ITGBL1: variants seen among roughly 807,000 people sequenced by gnomAD.
The protein encoded by ITGBL1 is integrin beta-like protein 1.
ITGBL1 carries 51 observed loss-of-function variants against 68.5 expected under a neutral mutation model. The ratio of observed to expected loss-of-function variants is 0.74; its 90% CI spans 0.59 to 0.94. ITGBL1 has a LOEUF of 0.94. Among genes scored for constraint, ITGBL1 ranks in the 40% least tolerant of loss-of-function variants. ITGBL1 has a pLI of 0.00. For missense variants in ITGBL1, 649 were observed against 647.4 expected, an observed-to-expected ratio of 1.00 and a Z score of -0.03; for synonymous variants, 209 against 227.3, an observed-to-expected ratio of 0.92 and a Z score of 0.72.
At chr13:101,598,671 T>G (rs527277679) in intron 7 of ITGBL1, among the ~76,000 whole-genome samples, 1 of 152,058 alleles carries the variant, frequency 6.6e-6, no homozygotes, top group South Asian at 2.1e-4. Flanking sequence ...CACCTATGAG[T>G]GAGAATATGC....
At chr13:101,633,685 G>C (rs967335518) in intron 7 of ITGBL1, among the ~76,000 whole-genome samples, 1 of 152,148 alleles carries the variant, frequency 6.6e-6, no homozygotes, top group Non-Finnish European at 1.5e-5. Flanking sequence ...AGAAAAATAC[G>C]TGAAGAGTTG....
rs1471318953 is a variant in ITGBL1, at chr13:101,692,721, C to T, written c.1132+20C>T. 2.0e-6 allele frequency: 3 copies of T among 1,467,858 alleles called. No homozygotes were observed. Among genetic ancestry groups the T allele is most frequent in the Non-Finnish European group, 2.9e-6 (3 of 1,046,872 alleles). The allele number at this position is 1,467,858 out of a possible 1,614,324, so 90.9% of individuals were successfully genotyped here. A position where few individuals can be genotyped will look rare whatever the true frequency, so the allele number is the denominator to read the frequency against. On this transcript the variant is annotated intron_variant, in intron 8 of 10. Coordinates refer to ENST00000376180, the MANE Select transcript of ITGBL1 (RefSeq NM_004791.3). ...GTGGAGGTAGTAACCTTTCTCATAGCTGTATGCTACCTGCATGCAACTTGC... is the reference window on the plus strand; with the variant it reads ...GTGGAGGTAGTAACCTTTCTCATAGTTGTATGCTACCTGCATGCAACTTGC...
intron 2 of ITGBL1, among the ~76,000 whole-genome samples, chr13:101,511,629 C>T (rs1011088409): frequency 2.6e-5 from 4 of 152,108 alleles, no homozygotes; most frequent in African/African-American, 9.7e-5. Context: ...GCAGCAGAGA[C>T]TCTCGCCCTC....
chr13:101,516,832 T>C (rs1196520646), intron 2 of ITGBL1, among the ~76,000 whole-genome samples: 1 of 152,192 alleles, frequency 6.6e-6, no homozygotes, highest in Non-Finnish European at 1.5e-5. Context: ...TTCCTAAGTT[T>C]CCTGAATAAT....
intron 2 of ITGBL1, among the ~76,000 whole-genome samples, chr13:101,539,627 A>G (rs1048067651): frequency 6.6e-6 from 1 of 151,644 alleles, no homozygotes; most frequent in African/African-American, 2.4e-5. Flanking sequence ...GAATCGCCAC[A>G]CTGACTTCCA....
intron 7 of ITGBL1, among the ~76,000 whole-genome samples, chr13:101,612,433 G>T (rs1179276265): frequency 1.3e-5 from 2 of 152,132 alleles, no homozygotes; most frequent in African/African-American, 2.4e-5. Flanking sequence ...AGTATGTAGT[G>T]CCTGGTAAAG....
intron 3 of ITGBL1, among the ~76,000 whole-genome samples, chr13:101,571,808 C>T (rs1646437099): frequency 6.6e-6 from 1 of 152,128 alleles, no homozygotes; most frequent in African/African-American, 2.4e-5. Context: ...TCCTGGAATT[C>T]ACTCCAAATC....
chr13:101,479,170 C>A (rs528050502), intron 2 of ITGBL1, among the ~76,000 whole-genome samples: 2 of 147,116 alleles, frequency 1.4e-5, no homozygotes, highest in Non-Finnish European at 3.0e-5. Context: ...CTACAGTGAC[C>A]TCATTTTTTA....
chr13:101,591,142 A>G (rs1275353930), intron 6 of ITGBL1, among the ~76,000 whole-genome samples: 2 of 152,200 alleles, frequency 1.3e-5, no homozygotes, highest in Non-Finnish European at 2.9e-5. Flanking sequence ...AACTCAGGTT[A>G]TCTACCTGCC....
At chr13:101,584,208 G>T (rs367981883) in intron 6 of ITGBL1, among the ~76,000 whole-genome samples, 57 of 152,312 alleles carry the variant, frequency 3.7e-4, no homozygotes, top group African/African-American at 1.2e-3. Context: ...GTAGGAGCCA[G>T]TAGGGGACAG....
chr13:101,704,820 A>C (rs2034218654), intron 8 of ITGBL1, among the ~76,000 whole-genome samples: 1 of 152,174 alleles, frequency 6.6e-6, no homozygotes, highest in South Asian at 2.1e-4. Flanking sequence ...TTAAACTTTA[A>C]TGGTTTCAGT....
chr13:101,656,913 A>G (rs1256472487), intron 7 of ITGBL1, among the ~76,000 whole-genome samples: 3 of 150,566 alleles, frequency 2.0e-5, no homozygotes, highest in Admixed American at 6.6e-5. Context: ...TTGTTTAATT[A>G]GACTGTGTTC....
At chr13:101,709,781 G>T (rs1467104733) in intron 9 of ITGBL1, among the ~76,000 whole-genome samples, 1 of 152,182 alleles carries the variant, frequency 6.6e-6, no homozygotes, top group East Asian at 1.9e-4. Flanking sequence ...CTTTCCATAA[G>T]CGGGTCTTCC....
chr13:101,703,141 A>G (rs1323238775), intron 8 of ITGBL1, among the ~76,000 whole-genome samples: 2 of 151,316 alleles, frequency 1.3e-5, no homozygotes, highest in South Asian at 4.2e-4. Flanking sequence ...ACTATATACC[A>G]TGAGATGGAA....
At chr13:101,571,414 T>C (rs928419979) in intron 3 of ITGBL1, among the ~76,000 whole-genome samples, 2 of 152,290 alleles carry the variant, frequency 1.3e-5, no homozygotes, top group African/African-American at 4.8e-5. Context: ...TCTCTTTTAG[T>C]GTGGTTATGG....
chr13:101,601,487 G>A (rs968273876), intron 7 of ITGBL1, among the ~76,000 whole-genome samples: 58 of 152,072 alleles, frequency 3.8e-4, no homozygotes, highest in Non-Finnish European at 7.9e-4. Flanking sequence ...GCTTTTGAGT[G>A]TGTTTGCTCT....
intron 2 of ITGBL1, among the ~76,000 whole-genome samples, chr13:101,554,962 T>A (rs954843777): frequency 6.6e-6 from 1 of 152,228 alleles, no homozygotes; most frequent in African/African-American, 2.4e-5. Context: ...TGTGTCAGGA[T>A]ACTATGAGTT....
chr13:101,591,156 G>GCTGGATTATCTA, intron 6 of ITGBL1, among the ~76,000 whole-genome samples: 1 of 152,280 alleles, frequency 6.6e-6, no homozygotes, highest in East Asian at 1.9e-4. Context: ...ACCTGCCTTG[G>GCTGGATTATCTA]CCTTCCAAAG....
chr13:101,603,290 G>T (rs1821713), intron 7 of ITGBL1, among the ~76,000 whole-genome samples: 151,465 of 152,100 alleles, frequency 1, 75,417 homozygotes, highest in Middle Eastern at 1. Flanking sequence ...GAAAACTCCA[G>T]AAAGTGTCTC....
Sources: gnomAD v4.1 joint callset for allele counts (sites outside exome capture counted in the v4.1 genomes callset) on GRCh38, gnomAD v4.1.1 for gene constraint, MANE v1.5 for transcripts, NCBI Gene and HGNC (gene_info 2026-07-23, HGNC 2026-07-21) for gene names.